Variants in ATP2A2 observed in about 807,000 individuals in gnomAD.
The protein encoded by ATP2A2 is ATPase sarcoplasmic/endoplasmic reticulum Ca2+ transporting 2.
In ATP2A2, 14 loss-of-function variants were observed where a neutral mutation model predicts 109.3. The observed-to-expected ratio is 0.13, with a 90% confidence interval of 0.08 to 0.20. The LOEUF (loss-of-function observed/expected upper bound fraction) is 0.20. Ranked by LOEUF, ATP2A2 falls within the 10% of genes least tolerant of loss-of-function variation. The pLI is 1.00. For missense variants in ATP2A2, 657 were observed against 1,321.6 expected (o/e 0.50, Z 7.80); for synonymous variants, 506 against 490.9 (o/e 1.03, Z -0.41).
intron 9 of ATP2A2, 128 bp downstream of exon 9, chr12:110,332,813 T>C: frequency 1.1e-6 from 1 of 883,894 alleles, no homozygotes; most frequent in Non-Finnish European, 1.9e-6. Context: ...ATTACTAAAG[T>C]AGTAAATGTT....
At chr12:110,343,570 C>T in intron 16 of ATP2A2, 136 bp downstream of exon 16, 8 of 997,428 alleles carry the variant, frequency 8.0e-6, no homozygotes, top group Non-Finnish European at 1.2e-5. Context: ...TGCCCTCTTA[C>T]AGTTCGATGA....
intron 6 of ATP2A2, among the ~76,000 whole-genome samples, chr12:110,323,533 G>A (rs1456142582): frequency 6.6e-6 from 1 of 152,140 alleles, no homozygotes; most frequent in Admixed American, 6.5e-5. Context: ...AAAATGGCTG[G>A]GCACGGTGGC....
At chr12:110,311,922 A>G (rs1018524984) in intron 5 of ATP2A2, among the ~76,000 whole-genome samples, 4 of 151,932 alleles carry the variant, frequency 2.6e-5, no homozygotes, top group Non-Finnish European at 4.4e-5. Flanking sequence ...GCCATGGCTC[A>G]TGCCAGCACT....
chr12:110,304,014 A>G (rs1466141207), intron 5 of ATP2A2, among the ~76,000 whole-genome samples: 2 of 152,146 alleles, frequency 1.3e-5, no homozygotes, highest in Non-Finnish European at 2.9e-5. Context: ...GTTCCTGACA[A>G]CCACAGTTTA....
intron 5 of ATP2A2, among the ~76,000 whole-genome samples, chr12:110,302,584 CTATTAT>C (rs10568177): frequency 1.6e-4 from 23 of 146,500 alleles, no homozygotes; most frequent in South Asian, 4.3e-4. Context: ...ATTTTTATTA[CTATTAT>C]TATTATTATT....
At position 110,332,667 on chromosome 12, in the gene ATP2A2, A is replaced by G; in HGVS notation, c.1166A>G (p.Tyr389Cys). The G allele has an allele frequency of 6.2e-7, 1 of 1,612,364 alleles. No homozygotes were observed. The highest frequency in any genetic ancestry group is 8.5e-7 in the Non-Finnish European group (1 of 1,178,332). The change falls in exon 9 of 20, where the codon TAT becomes TGT. Residue 389 changes from tyrosine to cysteine, a missense_variant. Physicochemically the swap from Tyr to Cys is radical, Grantham distance 194. Around this residue, in one of 9 missense-constraint regions of ATP2A2, gnomAD observed 46 missense variants for 62.0 expected, o/e 0.74. Coordinates refer to ENST00000539276, the MANE Select transcript of ATP2A2 (RefSeq NM_170665.4). ...LNEFTITGST[Y>C]APIGEVHKDD... is the part of the protein sequence containing the mutation. ...GAGTTTACCATAACTGGATCAACTTATGCACCTATTGGAGAAGTGTGAGTA... is the reference window on the plus strand; with the variant it reads ...GAGTTTACCATAACTGGATCAACTTGTGCACCTATTGGAGAAGTGTGAGTA...
At position 110,326,372 on chromosome 12, in the gene ATP2A2, G is replaced by T; in HGVS notation, c.545-18G>T. Reference sequence around the variant, plus strand: ...TGGGTCGCAGAGATCTGTTTTTTCTGTCTCACAACCCGCTTAGGTGAATCT... The same window carrying T: ...TGGGTCGCAGAGATCTGTTTTTTCTTTCTCACAACCCGCTTAGGTGAATCT... On this transcript the variant is annotated intron_variant, in intron 6 of 19. Transcript: ENST00000539276. 1.2e-6 allele frequency: 2 copies of T among 1,610,556 alleles called. No homozygotes were observed. Among genetic ancestry groups the T allele is most frequent in the Non-Finnish European group, 1.7e-6 (2 of 1,177,446 alleles).
At chr12:110,291,494 C>T (rs1456261909) in intron 3 of ATP2A2, among the ~76,000 whole-genome samples, 1 of 152,172 alleles carries the variant, frequency 6.6e-6, no homozygotes, top group African/African-American at 2.4e-5. Flanking sequence ...GTGTGAGCCA[C>T]TGTGCCCAGC....
In ATP2A2 at chr12:110,348,687, G is replaced by C; in HGVS notation, c.*2217G>C. 1 of 985,406 alleles carries C rather than the reference G, an allele frequency of 1.0e-6. No individual in the cohort carries two copies. The highest frequency in any genetic ancestry group is 1.2e-6 in the Non-Finnish European group (1 of 829,956). The allele number at this position is 985,406 out of a possible 1,614,324, so 61.0% of individuals were successfully genotyped here. On this transcript the variant is annotated 3_prime_UTR_variant, in exon 20 of 20. Coordinates refer to ENST00000539276, the MANE Select transcript of ATP2A2 (RefSeq NM_170665.4). ...GGTACTCAAACCAGCCTGGGCAACA[G>C]AGTGAGGCCCTGTCAAAAAAAAATC...
intron 11 of ATP2A2, among the ~76,000 whole-genome samples, chr12:110,336,206 G>A (rs114190791): frequency 7.4e-4 from 112 of 152,252 alleles, no homozygotes; most frequent in African/African-American, 2.6e-3. Flanking sequence ...ATAGGACATT[G>A]TTGTAACTTA....
intron 4 of ATP2A2, among the ~76,000 whole-genome samples, chr12:110,294,639 A>T (rs1376518728): frequency 6.6e-6 from 1 of 152,096 alleles, no homozygotes; most frequent in Non-Finnish European, 1.5e-5. Context: ...ACAGAGCTAG[A>T]CTTCGTCTCA....
chr12:110,333,425 G>A (rs1468649083), intron 10 of ATP2A2, 142 bp downstream of exon 10: 1 of 779,594 alleles, frequency 1.3e-6, no homozygotes, highest in Non-Finnish European at 2.2e-6. Context: ...AGAACCTGAT[G>A]GTGGGGCCAG....
intron 5 of ATP2A2, among the ~76,000 whole-genome samples, chr12:110,314,465 G>C (rs537170119): frequency 6.6e-6 from 1 of 152,200 alleles, no homozygotes; most frequent in Non-Finnish European, 1.5e-5. Context: ...AAAAGTAAAA[G>C]ATAACAGACG....
chr12:110,281,735 C>T lies in ATP2A2; in HGVS notation c.-55C>T. On this transcript the variant is annotated 5_prime_UTR_variant, in exon 1 of 20. Transcript: ENST00000539276. ...ACGAGCCCGCGGCCGGAGTGCGAGG[C>T]GGAGGCGAGGAGGCCGCGGGGACGG... is the stretch of plus-strand genomic sequence containing the variant. 1.5e-6 allele frequency: 2 copies of T among 1,308,990 alleles called. No homozygotes were observed. Among genetic ancestry groups the T allele is most frequent in the Non-Finnish European group, 2.0e-6 (2 of 984,000 alleles). The allele number at this position is 1,308,990 out of a possible 1,614,324, so 81.1% of individuals were successfully genotyped here.
In ATP2A2 at chr12:110,350,175, A is replaced by G; in HGVS notation, c.*3705A>G. 1 of 1,601,100 alleles carries G rather than the reference A, an allele frequency of 6.2e-7. No individual in the cohort carries two copies. Among genetic ancestry groups the G allele is most frequent in the South Asian group, 1.1e-5 (1 of 89,698 alleles). ...ATGCTGGTCTTGAAACCTTGAAAAG[A>G]TCAAGCTGAATGTTCCTTTTCATCT... On this transcript the variant is annotated 3_prime_UTR_variant, in exon 20 of 20. Transcript: ENST00000539276.
In ATP2A2 at chr12:110,339,219, T is replaced by G. The variant is rs58483954; in HGVS notation, c.1420-62T>G. ...GTCATGTAATAGGTGTGCTTACTGC[T>G]TGTTAGGTAAAAAAGTTCAGAAATT... On this transcript the variant is annotated intron_variant, in intron 11 of 19. Coordinates refer to ENST00000539276, the MANE Select transcript of ATP2A2 (RefSeq NM_170665.4). The surrounding 1 kb of genome is among the most constrained non-coding windows in gnomAD (Gnocchi z 4.4). 4.0e-3 allele frequency: 6,362 copies of G among 1,604,472 alleles called. 259 individuals are homozygous for G. The African/African-American group carries it at 0.076, about 19-fold the overall frequency.
At chr12:110,322,901 C>CT in intron 5 of ATP2A2, 91 bp from the exon 6 acceptor site, 1 of 962,940 alleles carries the variant, frequency 1.0e-6, no homozygotes, top group East Asian at 2.4e-5. Context: ...CATTTATTTT[C>CT]TTTAAAAATT....
chr12:110,335,591 G>A (rs538400744), intron 11 of ATP2A2, among the ~76,000 whole-genome samples: 4 of 152,240 alleles, frequency 2.6e-5, no homozygotes, highest in Admixed American at 6.5e-5. Flanking sequence ...AGTGGTAGAT[G>A]ATTGCTTGGA....
chr12:110,302,188 A>G (rs1464695312), intron 5 of ATP2A2, among the ~76,000 whole-genome samples: 4 of 152,208 alleles, frequency 2.6e-5, no homozygotes, highest in African/African-American at 9.6e-5. Context: ...CTGTGGCATT[A>G]AGTACATTCA....
Sources: gnomAD v4.1 joint callset for allele counts (sites outside exome capture counted in the v4.1 genomes callset) on GRCh38, gnomAD v4.1.1 for gene constraint, gnomAD v4.1.1 regional missense constraint, Gnocchi (gnomAD v3.1) non-coding constraint, MANE v1.5 for transcripts, NCBI Gene and HGNC (gene_info 2026-07-23, HGNC 2026-07-21) for gene names.